CFAP57: variants seen among roughly 807,000 people sequenced by gnomAD.
CFAP57 encodes the protein cilia and flagella associated protein 57.
Under a neutral mutation model 146.8 loss-of-function variants are expected in CFAP57, and 116 were observed. The ratio of observed to expected loss-of-function variants is 0.79; its 90% CI spans 0.68 to 0.92. CFAP57 has a LOEUF of 0.92. Among genes scored for constraint, CFAP57 ranks in the 40% least tolerant of loss-of-function variants. CFAP57 has a pLI of 0.00. For missense variants in CFAP57, 1,377 were observed against 1,527.2 expected (o/e 0.90, Z 1.64); for synonymous variants, 518 against 552.8 (o/e 0.94, Z 0.88).
chr1:43,185,032 G>C lies in CFAP57; in HGVS notation c.762-117G>C, dbSNP rs1642943583. The C allele has an allele frequency of 1.1e-5, 12 of 1,105,342 alleles. No individual in the cohort carries two copies. The South Asian group carries it at 1.4e-4, about 13-fold the overall frequency. The allele number at this position is 1,105,342 out of a possible 1,614,324, so 68.5% of individuals were successfully genotyped here. A position where few individuals can be genotyped will look rare whatever the true frequency, so the allele number is the denominator to read the frequency against. On this transcript the variant is annotated intron_variant, in intron 4 of 22. Coordinates refer to ENST00000372492, the MANE Select transcript of CFAP57 (RefSeq NM_001378189.1). ...AAGGGTAGTATTTGACTGTGGAAAA[G>C]GGGATCATTGGGTGGTTTCTGTCAC... is the stretch of plus-strand genomic sequence containing the variant.
chr1:43,183,532 A>G, intron 3 of CFAP57, 59 bp from the exon 4 acceptor site: 1 of 1,468,982 alleles, frequency 6.8e-7, no homozygotes, highest in Non-Finnish European at 9.5e-7. Flanking sequence ...AAAATGGGAA[A>G]TAATTCCATC....
intron 22 of CFAP57, among the ~76,000 whole-genome samples, chr1:43,245,569 C>T (rs1306937974): frequency 2.0e-5 from 3 of 152,150 alleles, no homozygotes; most frequent in Non-Finnish European, 4.4e-5. Flanking sequence ...ACCCAGAAGC[C>T]AGAGTGGTGA....
At position 43,232,599 on chromosome 1, in the gene CFAP57, A is replaced by C; in HGVS notation, c.3101A>C (p.Gln1034Pro). ...TGGCAGAAACTGAGAGCCACCGATC[A>C]GGAGATGCGCAGAGAGAGACAGAAG... is the stretch of plus-strand genomic sequence containing the variant. ...ELWQKLRATD[Q>P]EMRRERQKER... Residue 1034 changes from glutamine (Q) to proline (P), a missense_variant, in exon 19 of 23, where the codon CAG becomes CCG. Coordinates refer to ENST00000372492, the MANE Select transcript of CFAP57 (RefSeq NM_001378189.1). The C allele has an allele frequency of 6.5e-7, 1 of 1,548,324 alleles. No homozygotes were observed. Among genetic ancestry groups the C allele is most frequent in the Non-Finnish European group, 8.7e-7 (1 of 1,145,240 alleles).
chr1:43,182,583 T>C (rs545840975), intron 3 of CFAP57, among the ~76,000 whole-genome samples: 1 of 152,342 alleles, frequency 6.6e-6, no homozygotes, highest in African/African-American at 2.4e-5. Context: ...TTATCCAGTG[T>C]ATTCCCTTCC....
At chr1:43,231,986 C>G in intron 18 of CFAP57, 1 of 640,956 alleles carries the variant, frequency 1.6e-6, no homozygotes, top group South Asian at 1.8e-5. Context: ...GCTGAGGCCC[C>G]TTCTCAGCTT....
In CFAP57 at chr1:43,198,636, G is replaced by C. The variant is rs200428342; in HGVS notation, c.1418G>C (p.Gly473Ala). Residue 473 changes from glycine (G) to alanine (A), a missense_variant, in exon 8 of 23, where the codon GGA becomes GCA. Physicochemically the swap from Gly to Ala is moderately conservative, Grantham distance 60 (BLOSUM62 0). Coordinates refer to ENST00000372492, the MANE Select transcript of CFAP57 (RefSeq NM_001378189.1). ...IRSFKEYSVR[G>A]CGECSFSNGG... ...TCTTTCAAAGAATACTCTGTTAGAGGATGCGGAGAGGTAAAAAAAAAACTG... is the reference window on the plus strand; with the variant it reads ...TCTTTCAAAGAATACTCTGTTAGAGCATGCGGAGAGGTAAAAAAAAAACTG... The C allele has an allele frequency of 3.7e-6, 6 of 1,606,340 alleles. No homozygotes were observed. The highest frequency in any genetic ancestry group is 5.1e-6 in the Non-Finnish European group (6 of 1,176,656).
chr1:43,211,548 C>A (rs1449479983), intron 11 of CFAP57: 3 of 136,048 alleles, frequency 2.2e-5, no homozygotes, highest in Non-Finnish European at 3.1e-5. Flanking sequence ...ACACTCCAGC[C>A]TGGGCAACAG....
chr1:43,210,440 C>A, intron 11 of CFAP57: 1 of 1,118,662 alleles, frequency 8.9e-7, no homozygotes. Context: ...CATCGACAGA[C>A]GAATGCATAA....
chr1:43,185,460 G>A, intron 5 of CFAP57, 104 bp downstream of exon 5: 1 of 1,060,522 alleles, frequency 9.4e-7, no homozygotes, highest in Non-Finnish European at 1.4e-6. Context: ...GATAGGGCAG[G>A]ATTGCTGAGC....
At position 43,254,339 on chromosome 1, in the gene CFAP57, A is replaced by C. The variant is rs1433469121; in HGVS notation, c.*148A>C. The C allele has an allele frequency of 1.4e-6, 1 of 706,428 alleles. No homozygotes were observed. The highest frequency in any genetic ancestry group is 1.8e-5 in the African/African-American group (1 of 55,740). The allele number at this position is 706,428 out of a possible 1,614,324, so 43.8% of individuals were successfully genotyped here. The stretch of plus-strand genomic sequence containing the variant: ...TTGCCCTGGGGAATTTGGGACACAG[A>C]ATAAAGGTGTTTGCCCACACCTTGT... On this transcript the variant is annotated 3_prime_UTR_variant, in exon 23 of 23. Coordinates refer to ENST00000372492, the MANE Select transcript of CFAP57 (RefSeq NM_001378189.1).
intron 22 of CFAP57, chr1:43,250,541 T>C (rs1232040594): frequency 1.3e-5 from 2 of 152,196 alleles, no homozygotes; most frequent in African/African-American, 2.4e-5. Flanking sequence ...TGGGGCCAAA[T>C]AGTATTGCAA....
chr1:43,174,414 A>G (rs1186681609), intron 2 of CFAP57, among the ~76,000 whole-genome samples: 1 of 152,238 alleles, frequency 6.6e-6, no homozygotes, highest in South Asian at 2.1e-4. Context: ...TTATGCAGAG[A>G]CTTCTACATA....
At chr1:43,231,432 G>A (rs1645461930) in intron 18 of CFAP57, among the ~76,000 whole-genome samples, 1 of 152,168 alleles carries the variant, frequency 6.6e-6, no homozygotes, top group African/African-American at 2.4e-5. Context: ...GTGTCCACCA[G>A]ATATAGTCCA....
chr1:43,186,627 A>C, intron 5 of CFAP57, 80 bp from the exon 6 acceptor site: 3 of 1,263,600 alleles, frequency 2.4e-6, no homozygotes, highest in South Asian at 1.3e-5. Flanking sequence ...AAAAAAAAAA[A>C]AAAAAAGAAA....
intron 12 of CFAP57, among the ~76,000 whole-genome samples, chr1:43,217,759 C>T (rs991218163): frequency 1.3e-5 from 2 of 152,168 alleles, no homozygotes; most frequent in Non-Finnish European, 2.9e-5. Context: ...TTGGTCCTTC[C>T]TTAATCTAGT....
intron 22 of CFAP57, among the ~76,000 whole-genome samples, chr1:43,251,779 G>T (rs1253986315): frequency 1.3e-5 from 2 of 152,256 alleles, no homozygotes; most frequent in Non-Finnish European, 2.9e-5. Flanking sequence ...ACGGGAATTT[G>T]CAGGGGCAGG....
At chr1:43,218,791 G>A (rs1644934576) in intron 12 of CFAP57, among the ~76,000 whole-genome samples, 2 of 152,116 alleles carry the variant, frequency 1.3e-5, no homozygotes, top group East Asian at 1.9e-4. Context: ...TAATGTGTTT[G>A]TCTGGCTGCC....
chr1:43,249,116 G>A (rs367629366), intron 22 of CFAP57, among the ~76,000 whole-genome samples: 6 of 147,230 alleles, frequency 4.1e-5, no homozygotes, highest in South Asian at 2.1e-4. Flanking sequence ...GGATGGTCTC[G>A]ATCTCCTGAC....
intron 9 of CFAP57, among the ~76,000 whole-genome samples, chr1:43,206,031 C>T (rs569256570): frequency 6.6e-6 from 1 of 152,244 alleles, no homozygotes; most frequent in South Asian, 2.1e-4. Flanking sequence ...GTCACTGAGG[C>T]CAGAGGGCAG....
Sources: gnomAD v4.1 joint callset for allele counts (sites outside exome capture counted in the v4.1 genomes callset) on GRCh38, gnomAD v4.1.1 for gene constraint, MANE v1.5 for transcripts, NCBI Gene and HGNC (gene_info 2026-07-23, HGNC 2026-07-21) for gene names.